The following SRRM3 variants were observed in gnomAD, a reference collection of about 807,000 sequenced individuals.
The protein encoded by SRRM3 is serine/arginine repetitive matrix protein 3.
In SRRM3, 27 loss-of-function variants were observed where a neutral mutation model predicts 66.2. That is an observed-to-expected ratio of 0.41 (90% CI 0.30 to 0.56). The LOEUF is 0.56. SRRM3 is among the 20% of genes least tolerant of loss of function. SRRM3 has a pLI of 0.32. For missense variants in SRRM3, 918 were observed against 991.9 expected, an observed-to-expected ratio of 0.93 and a Z score of 1.00; for synonymous variants, 391 against 414.9, an observed-to-expected ratio of 0.94 and a Z score of 0.70.
At chr7:76,283,934 T>G in intron 14 of SRRM3, 4 of 651,846 alleles carry the variant, frequency 6.1e-6, no homozygotes, top group Non-Finnish European at 7.6e-6. Context: ...AGCCCAACTC[T>G]GCCACTGCCT....
chr7:76,203,870 A>G (rs1263343893), intron 1 of SRRM3, among the ~76,000 whole-genome samples: 8 of 151,838 alleles, frequency 5.3e-5, no homozygotes, highest in African/African-American at 1.9e-4. Context: ...TGCCAGCTTT[A>G]CAGGTGGGGA....
At chr7:76,250,950 G>C (rs1227672366) in intron 3 of SRRM3, among the ~76,000 whole-genome samples, 2 of 152,186 alleles carry the variant, frequency 1.3e-5, no homozygotes, top group Non-Finnish European at 2.9e-5. Context: ...GCCTGGCTGA[G>C]TGATGAGCAG....
At chr7:76,222,525 C>T (rs1554603321) in intron 1 of SRRM3, among the ~76,000 whole-genome samples, 1 of 151,732 alleles carries the variant, frequency 6.6e-6, no homozygotes, top group African/African-American at 2.4e-5. Flanking sequence ...GGTCCTAGGT[C>T]CTCAGCCTGA....
intron 10 of SRRM3, 113 bp from the exon 11 acceptor site, chr7:76,267,145 T>TG: frequency 9.9e-7 from 1 of 1,007,000 alleles, no homozygotes; most frequent in Non-Finnish European, 1.3e-6. Context: ...AAAAGGCAGG[T>TG]GGAGGGCTGC....
rs1472298751 is a variant in SRRM3 at position 76,265,847 on chromosome 7, TATATA to T, written c.830+380_830+384del. Among the ~76,000 whole-genome samples the T allele has an allele frequency of 1.1e-3, 9 of 8,458 alleles. 1 individual carries two copies. The highest frequency in any genetic ancestry group is 7.1e-3 in the African/African-American group (3 of 420). The allele number at this position is 8,458 out of a possible 152,430, so 5.5% of individuals were successfully genotyped here. ...AAATATTTATATATATATATATATA[TATATA>T]TATATATTTTTTTTTTTTTTTTTTT... is the stretch of plus-strand genomic sequence containing the variant. On this transcript the variant is annotated intron_variant, in intron 10 of 14. Transcript: ENST00000611745.
chr7:76,281,693 C>T lies in SRRM3; in HGVS notation c.1261C>T (p.Arg421Cys). The part of the protein sequence containing the change: ...PRPAPPRGSS[R>C]SLSRARSSSD... ...GCCCGCGCCCCCCCGGGGCTCGTCG[C>T]GCTCGCTCAGCAGGGCCCGCTCCAG... Residue 421 changes from arginine to cysteine, a missense_variant, in exon 12 of 15, where the codon CGC becomes TGC. Transcript: ENST00000611745. 1.9e-6 allele frequency: 2 copies of T among 1,070,810 alleles called. No homozygotes were observed. Among genetic ancestry groups the T allele is most frequent in the Non-Finnish European group, 2.3e-6 (2 of 884,532 alleles). 66.3% of individuals were successfully genotyped at this position (1,070,810 alleles called of 1,614,324 possible). A position where few individuals can be genotyped will look rare whatever the true frequency, so the allele number is the denominator to read the frequency against.
chr7:76,281,635 CGCGCCCCGCCGCAGGGGTCGCCG>C lies in SRRM3; in HGVS notation c.1211_1233del (p.Arg404ProfsTer37). 1 of 973,134 alleles carries C rather than the reference CGCGCCCCGCCGCAGGGGTCGCCG, an allele frequency of 1.0e-6. No homozygotes were observed. The highest frequency in any genetic ancestry group is 1.2e-6 in the Non-Finnish European group (1 of 821,516). The allele number at this position is 973,134 out of a possible 1,614,324, so 60.3% of individuals were successfully genotyped here. A position where few individuals can be genotyped will look rare whatever the true frequency, so the allele number is the denominator to read the frequency against. ...GGCGGCGCTCGCGGTCCTCGGCGTC[CGCGCCCCGCCGCAGGGGTCGCCG>C]GCGCCCCCGGCCCGCGCCCCCCCGG... On this transcript the variant is annotated frameshift_variant, in exon 12 of 15. Coordinates refer to ENST00000611745, the MANE Select transcript of SRRM3 (RefSeq NM_001110199.3). LOFTEE classifies it high-confidence loss of function.
chr7:76,241,149 G>A (rs977747379), intron 2 of SRRM3, among the ~76,000 whole-genome samples: 7 of 152,218 alleles, frequency 4.6e-5, no homozygotes, highest in African/African-American at 1.4e-4. Context: ...TGCCCGCCTC[G>A]GCCTCCCAAA....
At chr7:76,231,588 T>A (rs922561759) in intron 1 of SRRM3, among the ~76,000 whole-genome samples, 1 of 152,222 alleles carries the variant, frequency 6.6e-6, no homozygotes, top group African/African-American at 2.4e-5. Context: ...TCTCCACACC[T>A]TCAGCGCGCC....
chr7:76,226,022 C>T (rs1425629518), intron 1 of SRRM3, among the ~76,000 whole-genome samples: 1 of 152,150 alleles, frequency 6.6e-6, no homozygotes, highest in Non-Finnish European at 1.5e-5. Flanking sequence ...CTCACTACAG[C>T]CCATTCCCTC....
chr7:76,269,766 T>C lies in SRRM3; in HGVS notation c.1008+2331T>C, dbSNP rs1352690711. The C allele has an allele frequency of 3.3e-4, 50 of 150,188 alleles. 1 individual carries two copies. The East Asian group carries it at 3.3e-3, about 10-fold the overall frequency. 9.3% of individuals were successfully genotyped at this position (150,188 alleles called of 1,614,324 possible). A position where few individuals can be genotyped will look rare whatever the true frequency, so the allele number is the denominator to read the frequency against. On this transcript the variant is annotated intron_variant, in intron 11 of 14. Coordinates refer to ENST00000611745, the MANE Select transcript of SRRM3 (RefSeq NM_001110199.3). ...ATTTCCTTTTCCTTTCTTTTTTTTTTTCCCTATTTTAATGTACAGAAATGC... is the reference window on the plus strand; with the variant it reads ...ATTTCCTTTTCCTTTCTTTTTTTTTCTCCCTATTTTAATGTACAGAAATGC...
intron 2 of SRRM3, among the ~76,000 whole-genome samples, chr7:76,235,830 A>C (rs1762542318): frequency 6.6e-6 from 1 of 151,486 alleles, no homozygotes; most frequent in Non-Finnish European, 1.5e-5. Context: ...ACATGGTGAA[A>C]ATCCGTCTCT....
intron 1 of SRRM3, among the ~76,000 whole-genome samples, chr7:76,208,163 A>G (rs1296181393): frequency 6.6e-6 from 1 of 152,156 alleles, no homozygotes; most frequent in Non-Finnish European, 1.5e-5. Context: ...AGCATCACAT[A>G]TCCCTGGCGG....
At chr7:76,246,230 T>C (rs1421561172) in intron 2 of SRRM3, among the ~76,000 whole-genome samples, 2 of 152,096 alleles carry the variant, frequency 1.3e-5, no homozygotes, top group Non-Finnish European at 2.9e-5. Context: ...GAAAGGCAGG[T>C]TGTGTTCCCA....
At chr7:76,279,077 G>C (rs1554611505) in intron 11 of SRRM3, among the ~76,000 whole-genome samples, 1 of 152,222 alleles carries the variant, frequency 6.6e-6, no homozygotes, top group Admixed American at 6.5e-5. Flanking sequence ...TGGCCAACAC[G>C]GTGAAACCCC....
chr7:76,267,309 C>T lies in SRRM3; in HGVS notation c.882C>T (p.Ser294=). The T allele has an allele frequency of 6.4e-7, 1 of 1,551,126 alleles. No homozygotes were observed. Among genetic ancestry groups the T allele is most frequent in the South Asian group, 1.2e-5 (1 of 84,602 alleles). The change falls in exon 11 of 15, where the codon TCC becomes TCT. Residue 294 remains serine, a synonymous_variant. Coordinates refer to ENST00000611745, the MANE Select transcript of SRRM3 (RefSeq NM_001110199.3). ...GGCGAAAGACGGGCAGCCAGCGGTCCAGCGGAAGCCGGTCGCCTTCCCCGT... is the reference window on the plus strand; with the variant it reads ...GGCGAAAGACGGGCAGCCAGCGGTCTAGCGGAAGCCGGTCGCCTTCCCCGT... ...DEGRKTGSQR[S]SGSRSPSPSG...
chr7:76,253,615 C>T (rs1393190774), intron 3 of SRRM3, among the ~76,000 whole-genome samples: 4 of 150,102 alleles, frequency 2.7e-5, no homozygotes, highest in East Asian at 3.9e-4. Context: ...AGCGACACTC[C>T]GTCTCAAAAA....
At chr7:76,271,134 G>A (rs1802200645) in intron 11 of SRRM3, among the ~76,000 whole-genome samples, 1 of 151,926 alleles carries the variant, frequency 6.6e-6, no homozygotes, top group African/African-American at 2.4e-5. Flanking sequence ...GAGGTCAAGT[G>A]ACTGGCTCAA....
At chr7:76,215,348 G>C (rs539810143) in intron 1 of SRRM3, among the ~76,000 whole-genome samples, 1 of 149,610 alleles carries the variant, frequency 6.7e-6, no homozygotes, top group East Asian at 2.0e-4. Context: ...AGATTAAATG[G>C]CTCCCATATT....
Sources: allele counts gnomAD v4.1 joint callset (sites outside exome capture counted in the v4.1 genomes callset), GRCh38; gene constraint gnomAD v4.1.1; transcripts MANE v1.5; gene names NCBI Gene and HGNC (gene_info 2026-07-23, HGNC 2026-07-21).